Variants in CLIP1 observed in about 807,000 individuals in gnomAD.
The protein encoded by CLIP1 is CAP-Gly domain containing linker protein 1, also known as CAP-Gly domain-containing linker protein 1.
A neutral mutation model predicts 161.6 loss-of-function variants in CLIP1; 66 were observed. That is an observed-to-expected ratio of 0.41 (90% CI 0.33 to 0.50). The LOEUF is 0.50. CLIP1 is among the 20% of genes least tolerant of loss of function. The pLI is 0.27. For synonymous variants in CLIP1, 598 were observed against 626.2 expected (o/e 0.96, Z 0.67); for missense variants, 1,376 against 1,702.0 (o/e 0.81, Z 3.37).
intron 4 of CLIP1, among the ~76,000 whole-genome samples, chr12:122,362,176 A>G (rs939494242): frequency 6.7e-6 from 1 of 149,248 alleles, no homozygotes; most frequent in Non-Finnish European, 1.5e-5. Flanking sequence ...ATGGTCTCGA[A>G]CTCCTGATCT....
chr12:122,302,969 C>G (rs916258606), intron 20 of CLIP1, among the ~76,000 whole-genome samples: 1 of 152,118 alleles, frequency 6.6e-6, no homozygotes, highest in African/African-American at 2.4e-5. Context: ...TAAGCTCAAA[C>G]AGTCTCCTGG....
At chr12:122,409,635 G>A (rs1335816645) in intron 1 of CLIP1, among the ~76,000 whole-genome samples, 5 of 151,596 alleles carry the variant, frequency 3.3e-5, no homozygotes, top group South Asian at 2.1e-4. Flanking sequence ...AGGTTCAAGC[G>A]ATTCTCCTGC....
intron 5 of CLIP1, among the ~76,000 whole-genome samples, chr12:122,357,439 C>T (rs1281620075): frequency 2.7e-5 from 4 of 150,926 alleles, no homozygotes; most frequent in African/African-American, 7.3e-5. Context: ...CCCCTCCGCC[C>T]GGCAGCCACC....
intron 21 of CLIP1, among the ~76,000 whole-genome samples, chr12:122,285,951 G>A (rs1372799025): frequency 6.6e-6 from 1 of 151,872 alleles, no homozygotes; most frequent in African/African-American, 2.4e-5. Flanking sequence ...CAGGGACGAG[G>A]TTTAGGCATG....
chr12:122,377,488 G>A lies in CLIP1; in HGVS notation c.558C>T (p.Ser186=), dbSNP rs1244287156. 6 of 1,613,982 alleles carry A rather than the reference G, an allele frequency of 3.7e-6. No homozygotes were observed. The African/African-American group carries it at 8.0e-5, about 22-fold the overall frequency. ...ATTCACTGGCAGTTTTTGTAAGGTT[G>A]CTGATCGGAGGCGTAGCTGAAGGTT... ...AKEPSATPPI[S]NLTKTASESI... Residue 186 remains serine (S), a synonymous_variant, in exon 3 of 26, where the codon AGC becomes AGT. Transcript: ENST00000620786.
chr12:122,337,870 C>A (rs1355113875), intron 11 of CLIP1, among the ~76,000 whole-genome samples: 1 of 151,936 alleles, frequency 6.6e-6, no homozygotes, highest in African/African-American at 2.4e-5. Flanking sequence ...AAAAAATTAG[C>A]CAGGCGTGGT....
chr12:122,300,049 A>G (rs1276048173), intron 20 of CLIP1, among the ~76,000 whole-genome samples: 2 of 152,198 alleles, frequency 1.3e-5, no homozygotes, highest in African/African-American at 2.4e-5. Flanking sequence ...CTTGAGTCCA[A>G]GAGTTTGAGA....
Position 122,361,039 on chromosome 12 carries a change from G to T in CLIP1, c.925C>A (p.Arg309Ser). ...VMATTSASLK[R>S]SPSASSLSSM... ...CTGAGGGAAGAGGCAGAAGGGCTGC[G>T]CTTCAGGCTGGCGGACGTGGTCGCC... is the stretch of plus-strand genomic sequence containing the variant. Residue 309 changes from arginine (R) to serine (S), a missense_variant, in exon 5 of 26, where the codon CGC (arginine) becomes AGC (serine). Around this residue, in one of 6 missense-constraint regions of CLIP1, gnomAD observed 211 missense variants for 295.1 expected, o/e 0.72. Transcript: ENST00000620786. 6.2e-7 allele frequency: 1 copy of T among 1,614,214 alleles called. No individual in the cohort carries two copies.
At chr12:122,396,033 G>T (rs1955899095) in intron 1 of CLIP1, 1 of 152,242 alleles carries the variant, frequency 6.6e-6, no homozygotes, top group African/African-American at 2.4e-5. Context: ...CTTGAACCTG[G>T]GAGGTGGAGG....
intron 1 of CLIP1, among the ~76,000 whole-genome samples, chr12:122,403,450 T>TGGCTGGA (rs1341040842): frequency 6.7e-6 from 1 of 150,162 alleles, no homozygotes; most frequent in Admixed American, 6.7e-5. Context: ...AAGGAACCTG[T>TGGCTGGA]GGCTGGAGAT....
intron 3 of CLIP1, chr12:122,365,355 TA>T: frequency 1.0e-6 from 1 of 976,940 alleles, no homozygotes; most frequent in Non-Finnish European, 1.6e-6. Context: ...TCTACAATGT[TA>T]CCCAGCATGC....
At chr12:122,366,248 A>C (rs1954163659) in intron 3 of CLIP1, among the ~76,000 whole-genome samples, 2 of 151,904 alleles carry the variant, frequency 1.3e-5, no homozygotes, top group Non-Finnish European at 2.9e-5. Flanking sequence ...CGGAGGTTGC[A>C]ATGATCCAAG....
At chr12:122,282,015 CCAAA>C (rs936578823) in intron 21 of CLIP1, among the ~76,000 whole-genome samples, 18 of 152,084 alleles carry the variant, frequency 1.2e-4, no homozygotes, top group Non-Finnish European at 2.6e-4. Flanking sequence ...TCTGGGGCCA[CCAAA>C]CAAACTCTGC....
chr12:122,416,657 T>C (rs906679034), intron 1 of CLIP1, among the ~76,000 whole-genome samples: 6 of 151,154 alleles, frequency 4.0e-5, no homozygotes, highest in African/African-American at 1.2e-4. Flanking sequence ...TCCCAGCACT[T>C]TGGGAAGCTG....
chr12:122,421,621 T>C (rs1011723605), intron 1 of CLIP1, among the ~76,000 whole-genome samples: 3 of 152,170 alleles, frequency 2.0e-5, no homozygotes, highest in African/African-American at 7.2e-5. Context: ...AACAGGTATC[T>C]AAACCGATGA....
At position 122,390,280 on chromosome 12, in the gene CLIP1, ATATATATATATATATATATATATG is replaced by A. The variant is rs1412257701; in HGVS notation, c.-106-9746_-106-9723del. ...TATATACACACACATATATATATAC[ATATATATATATATATATATATATG>A]TATATATATATATATTATTTTTTTT... On this transcript the variant is annotated intron_variant, in intron 1 of 25. Coordinates refer to ENST00000620786, the MANE Select transcript of CLIP1 (RefSeq NM_001247997.2). 1.9e-4 allele frequency among the ~76,000 whole-genome samples: 5 copies of A among 25,812 alleles called. No homozygotes were observed. In the East Asian group the frequency reaches 7.6e-3, roughly 39 times the overall value. 16.9% of individuals were successfully genotyped at this position (25,812 alleles called of 152,430 possible).
chr12:122,407,570 G>C (rs1207443226), intron 1 of CLIP1, among the ~76,000 whole-genome samples: 1 of 151,452 alleles, frequency 6.6e-6, no homozygotes, highest in Non-Finnish European at 1.5e-5. Context: ...GTATGGTGTC[G>C]CGTGCCTGCA....
At chr12:122,409,054 G>C (rs553620915) in intron 1 of CLIP1, among the ~76,000 whole-genome samples, 1 of 151,486 alleles carries the variant, frequency 6.6e-6, no homozygotes, top group Non-Finnish European at 1.5e-5. Flanking sequence ...CGGGTGATCC[G>C]CCCGCCTTGG....
intron 1 of CLIP1, among the ~76,000 whole-genome samples, chr12:122,405,685 G>C (rs1956305049): frequency 1.3e-5 from 2 of 151,836 alleles, no homozygotes; most frequent in South Asian, 4.2e-4. Flanking sequence ...CTACTCGGGA[G>C]GCTGAGACAA....
Sources: gnomAD v4.1 joint callset for allele counts (sites outside exome capture counted in the v4.1 genomes callset) on GRCh38, gnomAD v4.1.1 for gene constraint, gnomAD v4.1.1 regional missense constraint, MANE v1.5 for transcripts, NCBI Gene and HGNC (gene_info 2026-07-23, HGNC 2026-07-21) for gene names.